Variants in IGBP1C observed in about 807,000 individuals in gnomAD.
IGBP1C encodes immunoglobulin-binding protein 1 family member C.
the IGBP1C span, chr17:58,661,095 C>T: frequency 2.1e-6 from 2 of 967,174 alleles, no homozygotes; most frequent in Non-Finnish European, 3.4e-6. Context: ...TGCTCCAACA[C>T]CTTCTTCTGC....
At chr17:58,684,602 C>T in the IGBP1C span, among the ~76,000 whole-genome samples, 1 of 151,564 alleles carries the variant, frequency 6.6e-6, no homozygotes, top group African/African-American at 2.4e-5. Flanking sequence ...CACTGCACTC[C>T]AGCCTGGGCG....
chr17:58,684,657 A>G, the IGBP1C span, among the ~76,000 whole-genome samples: 1 of 150,718 alleles, frequency 6.6e-6, no homozygotes, highest in South Asian at 2.1e-4. Context: ...AAATAAATAA[A>G]TAAATAAATA....
the IGBP1C span, among the ~76,000 whole-genome samples, chr17:58,690,220 G>C: frequency 6.6e-6 from 1 of 151,788 alleles, no homozygotes; most frequent in Non-Finnish European, 1.5e-5. Flanking sequence ...AGATTGGAGT[G>C]GAGTTACGCA....
chr17:58,683,687 C>T, the IGBP1C span, among the ~76,000 whole-genome samples: 1 of 150,330 alleles, frequency 6.7e-6, no homozygotes, highest in Non-Finnish European at 1.5e-5. Context: ...TGCTTGAACC[C>T]GGAAGGCGGG....
chr17:58,662,078 A>C, the IGBP1C span, among the ~76,000 whole-genome samples: 1 of 151,864 alleles, frequency 6.6e-6, no homozygotes, highest in African/African-American at 2.4e-5. Context: ...CTGTATGTCT[A>C]TATCTGTGTA....
the IGBP1C span, among the ~76,000 whole-genome samples, chr17:58,687,560 T>A: frequency 6.6e-6 from 1 of 151,948 alleles, no homozygotes. Context: ...GGTCTTGAAC[T>A]CATCTCAAGT....
chr17:58,686,818 T>A, the IGBP1C span, among the ~76,000 whole-genome samples: 1 of 151,198 alleles, frequency 6.6e-6, no homozygotes, highest in South Asian at 2.1e-4. Context: ...CAACATTGAC[T>A]TCTTTCTCCT....
chr17:58,672,379 C>A, the IGBP1C span, among the ~76,000 whole-genome samples: 1 of 152,184 alleles, frequency 6.6e-6, no homozygotes, highest in Non-Finnish European at 1.5e-5. Flanking sequence ...TCTTCCAGCA[C>A]TCTTACTCCA....
the IGBP1C span, among the ~76,000 whole-genome samples, chr17:58,688,849 T>C: frequency 6.6e-6 from 1 of 152,200 alleles, no homozygotes; most frequent in African/African-American, 2.4e-5. Flanking sequence ...AGTTTAAGCC[T>C]GATGTGTCTC....
the IGBP1C span, chr17:58,666,463 A>C: frequency 7.6e-6 from 1 of 130,930 alleles, no homozygotes; most frequent in Non-Finnish European, 1.6e-5. Flanking sequence ...CACGGCAAAA[A>C]AAAAAAAAAA....
At chr17:58,661,785 T>C in the IGBP1C span, 11 of 519,348 alleles carry the variant, frequency 2.1e-5, no homozygotes, top group Admixed American at 3.3e-4. Context: ...GAATCGCTGC[T>C]CCACTCCGGG....
chr17:58,683,376 C>CG, the IGBP1C span, among the ~76,000 whole-genome samples: 4 of 147,816 alleles, frequency 2.7e-5, no homozygotes, highest in Non-Finnish European at 4.5e-5. Context: ...CCATCCCCCC[C>CG]CCCAAAAAAA....
At chr17:58,682,361 G>A in the IGBP1C span, among the ~76,000 whole-genome samples, 2 of 151,388 alleles carry the variant, frequency 1.3e-5, no homozygotes, top group South Asian at 2.1e-4. Context: ...AGGTTCAAGC[G>A]GTTCTCCTGC....
the IGBP1C span, among the ~76,000 whole-genome samples, chr17:58,665,226 A>C: frequency 6.6e-6 from 1 of 152,108 alleles, no homozygotes; most frequent in Admixed American, 6.5e-5. Context: ...TCCTGGTCTC[A>C]AGCCATCCTC....
chr17:58,687,044 TGAAG>T, the IGBP1C span, among the ~76,000 whole-genome samples: 347 of 151,946 alleles, frequency 2.3e-3, 1 homozygote, highest in African/African-American at 8.1e-3. Context: ...TGTAGGGAGC[TGAAG>T]GCCCATGGGA....
At chr17:58,686,415 G>A in the IGBP1C span, among the ~76,000 whole-genome samples, 1 of 152,158 alleles carries the variant, frequency 6.6e-6, no homozygotes, top group Non-Finnish European at 1.5e-5. Context: ...CAAGGTTCTG[G>A]GAATGGGGTG....
At chr17:58,671,169 T>A in the IGBP1C span, among the ~76,000 whole-genome samples, 32 of 152,334 alleles carry the variant, frequency 2.1e-4, no homozygotes, top group East Asian at 5.8e-3. Context: ...TCTTTGGCAG[T>A]GTCTGCTGCT....
the IGBP1C span, among the ~76,000 whole-genome samples, chr17:58,662,415 TCACACACACACACACA>T: frequency 8.7e-6 from 1 of 114,886 alleles, no homozygotes; most frequent in Non-Finnish European, 2.2e-5. Flanking sequence ...CACACATATC[TCACACACACACACACA>T]CACACACACA....
the IGBP1C span, among the ~76,000 whole-genome samples, chr17:58,669,002 CA>C: frequency 6.6e-6 from 1 of 152,088 alleles, no homozygotes; most frequent in African/African-American, 2.4e-5. Flanking sequence ...TGGAACCTGG[CA>C]ATTATCAACA....
Sources: gnomAD v4.1 joint callset for allele counts (sites outside exome capture counted in the v4.1 genomes callset) on GRCh38, gnomAD v4.1.1 for gene constraint, MANE v1.5 for transcripts, NCBI Gene and HGNC (gene_info 2026-07-23, HGNC 2026-07-21) for gene names.